LRP1B: variants seen among roughly 807,000 people sequenced by gnomAD.
LRP1B encodes the protein LDL receptor related protein 1B, also known as low-density lipoprotein receptor-related protein 1B.
Under a neutral mutation model 556.6 loss-of-function variants are expected in LRP1B, and 217 were observed. The observed-to-expected ratio is 0.39, with a 90% CI of 0.35 to 0.44. The LOEUF is 0.44. Among genes scored for constraint, LRP1B ranks in the 20% least tolerant of loss-of-function variants. The pLI is 1.00. For missense variants in LRP1B, 5,053 were observed against 5,620.8 expected (o/e 0.90, Z 3.23); for synonymous variants, 2,047 against 1,865.8 (o/e 1.10, Z -2.50).
intron 7 of LRP1B, among the ~76,000 whole-genome samples, chr2:141,177,800 G>A (rs989861771): frequency 1.3e-5 from 2 of 152,076 alleles, no homozygotes; most frequent in Admixed American, 6.6e-5. Flanking sequence ...TGAACAGTAA[G>A]AGAAAATATT....
At chr2:140,720,981 C>T (rs1416156761) in intron 35 of LRP1B, among the ~76,000 whole-genome samples, 1 of 152,058 alleles carries the variant, frequency 6.6e-6, no homozygotes, top group Non-Finnish European at 1.5e-5. Context: ...TTACCATGAA[C>T]ATTTCACAAA....
At chr2:141,595,947 TC>T (rs1347226561) in intron 2 of LRP1B, among the ~76,000 whole-genome samples, 1 of 152,056 alleles carries the variant, frequency 6.6e-6, no homozygotes, top group African/African-American at 2.4e-5. Context: ...AAATTATAAT[TC>T]AGATATTGAA....
At chr2:140,501,917 T>C (rs750668068) in intron 54 of LRP1B, 43 bp from the exon 55 acceptor site, 5 of 1,421,462 alleles carry the variant, frequency 3.5e-6, no homozygotes, top group Non-Finnish European at 4.8e-6. Context: ...GGGCATGCCA[T>C]TGTTTTATAC....
At chr2:140,273,463 A>G (rs1381304198) in intron 85 of LRP1B, among the ~76,000 whole-genome samples, 1 of 152,068 alleles carries the variant, frequency 6.6e-6, no homozygotes, top group African/African-American at 2.4e-5. Flanking sequence ...AATGTCATTC[A>G]TAATGATAAT....
rs560820374 is a variant in LRP1B at position 140,455,771 on chromosome 2, T to C, written c.9963+684A>G. ...AAAATCAGCAAACTCAAACATAGAA[T>C]TCTAAAAATACATTTAGTCATTTTA... On this transcript the variant is annotated intron_variant, in intron 62 of 90. Transcript: ENST00000389484. Among the ~76,000 whole-genome samples the C allele has an allele frequency of 3.9e-5, 6 of 152,268 alleles. No individual in the cohort carries two copies. The South Asian group carries it at 6.2e-4, about 16-fold the overall frequency.
At chr2:140,435,779 TATGTTC>T (rs1260654921) in intron 66 of LRP1B, among the ~76,000 whole-genome samples, 1 of 152,124 alleles carries the variant, frequency 6.6e-6, no homozygotes, top group Non-Finnish European at 1.5e-5. Context: ...AAAAACCTAA[TATGTTC>T]ATTCCACTTA....
At chr2:141,989,997 A>C (rs1292350131) in intron 1 of LRP1B, among the ~76,000 whole-genome samples, 1 of 152,120 alleles carries the variant, frequency 6.6e-6, no homozygotes, top group Non-Finnish European at 1.5e-5. Context: ...TTAGCTTTAC[A>C]TATGGAATAC....
intron 1 of LRP1B, among the ~76,000 whole-genome samples, chr2:142,052,312 T>C (rs531151518): frequency 1.3e-5 from 2 of 152,176 alleles, no homozygotes; most frequent in East Asian, 1.9e-4. Flanking sequence ...TGAAAGAGCC[T>C]CCTGGGCCCT....
At chr2:140,823,867 A>G (rs992609988) in intron 31 of LRP1B, among the ~76,000 whole-genome samples, 2 of 152,102 alleles carry the variant, frequency 1.3e-5, no homozygotes, top group African/African-American at 4.8e-5. Flanking sequence ...TCTCACTTAT[A>G]AGTGAAAGCT....
intron 3 of LRP1B, among the ~76,000 whole-genome samples, chr2:141,337,771 A>T (rs903026562): frequency 6.6e-6 from 1 of 152,144 alleles, no homozygotes; most frequent in Non-Finnish European, 1.5e-5. Context: ...TTATGTGGTA[A>T]GAGTTTCTAG....
At chr2:140,572,911 G>T (rs1471043168) in intron 43 of LRP1B, among the ~76,000 whole-genome samples, 1 of 151,860 alleles carries the variant, frequency 6.6e-6, no homozygotes, top group Non-Finnish European at 1.5e-5. Flanking sequence ...GGCACAGAAA[G>T]ATAAATATCA....
chr2:140,395,542 T>G (rs1305331650), intron 66 of LRP1B, among the ~76,000 whole-genome samples: 3 of 152,204 alleles, frequency 2.0e-5, no homozygotes, highest in African/African-American at 7.2e-5. Flanking sequence ...GCACCAGCAG[T>G]TAAGAATAAC....
chr2:141,795,095 G>C (rs1045281823), intron 2 of LRP1B, among the ~76,000 whole-genome samples: 4 of 152,032 alleles, frequency 2.6e-5, no homozygotes, highest in Non-Finnish European at 5.9e-5. Flanking sequence ...TAAAAGAAAA[G>C]CTAATTGATC....
At chr2:141,255,769 G>T (rs1684438650) in intron 3 of LRP1B, among the ~76,000 whole-genome samples, 1 of 151,628 alleles carries the variant, frequency 6.6e-6, no homozygotes, top group African/African-American at 2.4e-5. Context: ...TGCGTATACT[G>T]CTTCTCCTTG....
chr2:140,522,016 C>T (rs932254733), intron 49 of LRP1B, among the ~76,000 whole-genome samples: 1 of 151,988 alleles, frequency 6.6e-6, no homozygotes, highest in Admixed American at 6.6e-5. Context: ...ACTCCAGTGA[C>T]ATCATTCGGT....
intron 2 of LRP1B, among the ~76,000 whole-genome samples, chr2:141,717,934 A>G (rs983634876): frequency 6.6e-6 from 1 of 152,226 alleles, no homozygotes; most frequent in Admixed American, 6.5e-5. Flanking sequence ...AGTAGAGAAG[A>G]TGAAAATAAG....
At chr2:141,029,237 G>A (rs1171354664) in intron 11 of LRP1B, among the ~76,000 whole-genome samples, 1 of 152,100 alleles carries the variant, frequency 6.6e-6, no homozygotes, top group Non-Finnish European at 1.5e-5. Context: ...GAACTTAAAA[G>A]TCATTGCGTG....
intron 6 of LRP1B, among the ~76,000 whole-genome samples, chr2:141,193,092 G>C (rs1408259481): frequency 1.3e-5 from 2 of 151,960 alleles, no homozygotes; most frequent in African/African-American, 4.8e-5. Context: ...ACAGATGCTG[G>C]CAAGGTTGCA....
At chr2:141,264,675 G>A (rs1186366354) in intron 3 of LRP1B, among the ~76,000 whole-genome samples, 2 of 152,122 alleles carry the variant, frequency 1.3e-5, no homozygotes, top group African/African-American at 2.4e-5. Flanking sequence ...GGCTGGTGTC[G>A]AACTGCTGAC....
Sources: allele counts gnomAD v4.1 joint callset (sites outside exome capture counted in the v4.1 genomes callset), GRCh38; gene constraint gnomAD v4.1.1; transcripts MANE v1.5; gene names NCBI Gene and HGNC (gene_info 2026-07-23, HGNC 2026-07-21).